Variants in CFAP61 observed in about 807,000 individuals in gnomAD.
CFAP61 encodes cilia and flagella associated protein 61.
CFAP61 carries 107 observed loss-of-function variants against 135.6 expected under a neutral mutation model. That is an observed-to-expected ratio of 0.79 (90% CI 0.67 to 0.93). CFAP61 has a LOEUF of 0.93. Among genes scored for constraint, CFAP61 ranks in the 40% least tolerant of loss-of-function variants. The probability of loss-of-function intolerance (pLI) is 0.00; values close to 1 mark genes in which losing one functional copy is unlikely to be tolerated. For missense variants in CFAP61, 1,507 were observed against 1,556.2 expected (o/e 0.97, Z 0.53); for synonymous variants, 575 against 578.5 (o/e 0.99, Z 0.09).
chr20:20,336,109 G>T (rs907340936), intron 25 of CFAP61, among the ~76,000 whole-genome samples: 1 of 152,146 alleles, frequency 6.6e-6, no homozygotes, highest in African/African-American at 2.4e-5. Flanking sequence ...GAATCTAAGT[G>T]TGCCTCCAGC....
At chr20:20,182,406 A>G (rs932938493) in intron 13 of CFAP61, among the ~76,000 whole-genome samples, 15 of 152,298 alleles carry the variant, frequency 9.8e-5, no homozygotes, top group African/African-American at 1.2e-4. Flanking sequence ...CTCCATAACA[A>G]TTGGTCCGCT....
At position 20,205,544 on chromosome 20, in the gene CFAP61, C is replaced by T. The variant is rs1345486330; in HGVS notation, c.1932+5642C>T. On this transcript the variant is annotated intron_variant, in intron 17 of 26. Coordinates refer to ENST00000245957, the MANE Select transcript of CFAP61 (RefSeq NM_015585.4). ...GCTTGATACAGATCTTGTTGAACCTCACAAGTCCTTGGCACCAGGTACTTA... is the reference window on the plus strand; with the variant it reads ...GCTTGATACAGATCTTGTTGAACCTTACAAGTCCTTGGCACCAGGTACTTA... 2.0e-5 allele frequency among the ~76,000 whole-genome samples: 3 copies of T among 152,228 alleles called. No homozygotes were observed. The East Asian group carries it at 5.8e-4, about 29-fold the overall frequency.
intron 17 of CFAP61, among the ~76,000 whole-genome samples, chr20:20,202,280 C>G (rs1264442312): frequency 1.3e-5 from 2 of 152,098 alleles, no homozygotes; most frequent in Non-Finnish European, 2.9e-5. Flanking sequence ...AACACAGATG[C>G]CTGCTACCTG....
chr20:20,281,748 T>C (rs1195007810), intron 22 of CFAP61, among the ~76,000 whole-genome samples: 2 of 152,218 alleles, frequency 1.3e-5, no homozygotes, highest in Non-Finnish European at 2.9e-5. Flanking sequence ...TGTAAGGTTT[T>C]GGTGTTCGAG....
At chr20:20,360,091 AAAAAAAAT>A in intron 26 of CFAP61, 111 bp from the exon 27 acceptor site, 22 of 746,804 alleles carry the variant, frequency 2.9e-5, no homozygotes, top group Middle Eastern at 3.4e-4. Flanking sequence ...CAAAAGCTAG[AAAAAAAAT>A]GACCATCCTT....
intron 2 of CFAP61, among the ~76,000 whole-genome samples, chr20:20,070,470 G>T (rs140140844): frequency 6.6e-6 from 1 of 152,066 alleles, no homozygotes; most frequent in Admixed American, 6.6e-5. Flanking sequence ...TCCCAGTCCT[G>T]GGCAAAGAGA....
At chr20:20,330,363 G>A (rs1402806216) in intron 25 of CFAP61, among the ~76,000 whole-genome samples, 1 of 151,946 alleles carries the variant, frequency 6.6e-6, no homozygotes, top group African/African-American at 2.4e-5. Context: ...TTGTGACAGG[G>A]TCTCACTCTG....
At chr20:20,113,244 A>G (rs1364781167) in intron 8 of CFAP61, among the ~76,000 whole-genome samples, 1 of 152,170 alleles carries the variant, frequency 6.6e-6, no homozygotes, top group Non-Finnish European at 1.5e-5. Context: ...TATTCTGAGA[A>G]AGTAAAATTT....
chr20:20,190,566 C>A (rs2055847847), intron 14 of CFAP61, among the ~76,000 whole-genome samples: 1 of 151,988 alleles, frequency 6.6e-6, no homozygotes, highest in African/African-American at 2.4e-5. Flanking sequence ...GTGATGAAAT[C>A]ATGTGAAACT....
chr20:20,111,017 A>G (rs1382958672), intron 8 of CFAP61, among the ~76,000 whole-genome samples: 1 of 152,198 alleles, frequency 6.6e-6, no homozygotes, highest in Non-Finnish European at 1.5e-5. Context: ...TTCAGTTTAC[A>G]AAAAGGTAGA....
intron 2 of CFAP61, among the ~76,000 whole-genome samples, chr20:20,057,469 G>C (rs6046581): frequency 0.066 from 10,066 of 152,196 alleles, 371 homozygotes; most frequent in East Asian, 0.12. Flanking sequence ...TTATTGTTCT[G>C]ATACTTCTCT....
At chr20:20,191,306 T>G in intron 14 of CFAP61, 36 bp from the exon 15 acceptor site, 1 of 1,574,524 alleles carries the variant, frequency 6.4e-7, no homozygotes, top group Non-Finnish European at 8.7e-7. Context: ...ATAGCCATAT[T>G]TTTAAGGGTC....
Position 20,196,624 on chromosome 20 carries a change from C to A in CFAP61, c.1645C>A (p.His549Asn). 2 of 1,614,154 alleles carry A rather than the reference C, an allele frequency of 1.2e-6. No homozygotes were observed. The highest frequency in any genetic ancestry group is 1.7e-6 in the Non-Finnish European group (2 of 1,180,032). Residue 549 changes from histidine to asparagine, a missense_variant, in exon 16 of 27, where the codon CAC becomes AAC. By Grantham distance (68) the His-to-Asn change is moderately conservative. Transcript: ENST00000245957. ...CATTGAAGATTTCATCTACTTCAGT[C>A]ACCACCAGCGCGAAGAACACGGGCA... ...YNIEDFIYFS[H>N]HQREEHGHMH...
In CFAP61 at chr20:20,074,438, A is replaced by G. The variant is rs973977198; in HGVS notation, c.371+60A>G. On this transcript the variant is annotated intron_variant, in intron 4 of 26. Coordinates refer to ENST00000245957, the MANE Select transcript of CFAP61 (RefSeq NM_015585.4). ...AAGAGACTGTGTGGATAGTTTTGAA[A>G]TATTTTTTAAAAGACATGAAATTCT... is the stretch of plus-strand genomic sequence containing the variant. The G allele has an allele frequency of 7.7e-6, 11 of 1,433,820 alleles. No individual in the cohort carries two copies. The Middle Eastern group carries it at 5.3e-4, about 69-fold the overall frequency. The allele number at this position is 1,433,820 out of a possible 1,614,324, so 88.8% of individuals were successfully genotyped here.
chr20:20,142,664 A>C (rs2249280), intron 8 of CFAP61, among the ~76,000 whole-genome samples, 193 bp from the exon 9 acceptor site: 1 of 152,058 alleles, frequency 6.6e-6, no homozygotes, highest in Non-Finnish European at 1.5e-5. Flanking sequence ...ACTAGCCCAG[A>C]ATCCCTCCTC....
At chr20:20,335,792 T>C (rs759884123) in intron 25 of CFAP61, among the ~76,000 whole-genome samples, 1 of 152,304 alleles carries the variant, frequency 6.6e-6, no homozygotes, top group South Asian at 2.1e-4. Context: ...TCCTAGCTAA[T>C]GTAGGGGATA....
At chr20:20,159,573 C>A in intron 10 of CFAP61, 129 bp downstream of exon 10, 1 of 739,670 alleles carries the variant, frequency 1.4e-6, no homozygotes, top group Non-Finnish European at 2.4e-6. Flanking sequence ...TCACACCTAC[C>A]ACCTCCTTTA....
At chr20:20,108,091 C>T (rs749934662) in intron 8 of CFAP61, among the ~76,000 whole-genome samples, 1 of 152,168 alleles carries the variant, frequency 6.6e-6, no homozygotes, top group Non-Finnish European at 1.5e-5. Context: ...AGATCTTTTT[C>T]TCCCCCATTT....
intron 25 of CFAP61, among the ~76,000 whole-genome samples, chr20:20,328,905 GGTTGGGC>G (rs1462968066): frequency 2.0e-5 from 3 of 152,158 alleles, no homozygotes; most frequent in Non-Finnish European, 4.4e-5. Flanking sequence ...GGGGTGTGGA[GGTTGGGC>G]ACCAGCCCAA....
Sources: allele counts gnomAD v4.1 joint callset (sites outside exome capture counted in the v4.1 genomes callset), GRCh38; gene constraint gnomAD v4.1.1; transcripts MANE v1.5; gene names NCBI Gene and HGNC (gene_info 2026-07-23, HGNC 2026-07-21).